NUP210L: variants seen among roughly 807,000 people sequenced by gnomAD.
NUP210L encodes nuclear pore membrane glycoprotein 210-like.
Under a neutral mutation model 208.5 loss-of-function variants are expected in NUP210L, and 74 were observed. That is an observed-to-expected ratio of 0.35 (90% confidence interval 0.29 to 0.43). The LOEUF is 0.43. Ranked by LOEUF, NUP210L falls within the 20% of genes least tolerant of loss-of-function variation. The pLI, the probability that NUP210L is intolerant of heterozygous loss-of-function variation, is 1.00. For missense variants in NUP210L, 1,843 were observed against 2,289.4 expected, an observed-to-expected ratio of 0.81 and a Z score of 3.98; for synonymous variants, 780 against 816.9, an observed-to-expected ratio of 0.95 and a Z score of 0.77.
At chr1:153,994,958 G>A in intron 38 of NUP210L, 118 bp downstream of exon 38, 2 of 596,342 alleles carry the variant, frequency 3.4e-6, no homozygotes, top group Non-Finnish European at 5.7e-6. Flanking sequence ...GTTGCTGTAA[G>A]CCAAGATTGC....
chr1:154,152,660 GTTAAC>G (rs1446791728), intron 2 of NUP210L, 71 bp downstream of exon 2: 8 of 1,313,780 alleles, frequency 6.1e-6, no homozygotes, highest in Non-Finnish European at 8.6e-6. Flanking sequence ...CACCATTTGT[GTTAAC>G]TATCTATACA....
chr1:154,001,954 C>T (rs1481627923), exon 36 of NUP210L: 4 of 1,613,674 alleles, frequency 2.5e-6, no homozygotes, highest in Non-Finnish European at 3.4e-6. Context: ...CCTCTGACTG[C>T]GGTCGAACCT....
intron 12 of NUP210L, among the ~76,000 whole-genome samples, chr1:154,108,375 C>T (rs562840842): frequency 8.6e-4 from 131 of 152,120 alleles, no homozygotes; most frequent in Non-Finnish European, 1.5e-3. Flanking sequence ...CCAGGATGGT[C>T]TCGAACTCCT....
At chr1:154,030,166 A>C (rs781588156) in intron 27 of NUP210L, 112 bp from the exon 28 acceptor site, 150 of 702,238 alleles carry the variant, frequency 2.1e-4, no homozygotes, top group Non-Finnish European at 2.2e-4. Flanking sequence ...ATAAAAAGTC[A>C]GGAAAGGGTG....
chr1:154,049,943 G>T (rs1355983964), intron 25 of NUP210L, among the ~76,000 whole-genome samples: 1 of 152,090 alleles, frequency 6.6e-6, no homozygotes, highest in Non-Finnish European at 1.5e-5. Context: ...CCAGCAATTT[G>T]CCAGAAGTAT....
intron 16 of NUP210L, 24 bp downstream of exon 16, chr1:154,089,397 G>A: frequency 6.3e-7 from 1 of 1,598,478 alleles, no homozygotes; most frequent in Non-Finnish European, 8.6e-7. Context: ...TGCCAACTTA[G>A]TTGGAAACAT....
chr1:154,103,417 A>C (rs1281979590), intron 13 of NUP210L, among the ~76,000 whole-genome samples: 2 of 150,924 alleles, frequency 1.3e-5, no homozygotes, highest in African/African-American at 4.9e-5. Context: ...TCACGCCTGT[A>C]ATCCCAGCAC....
chr1:153,996,106 CA>C (rs1649844846), intron 37 of NUP210L: 1 of 290,472 alleles, frequency 3.4e-6, no homozygotes, highest in Non-Finnish European at 6.8e-6. Context: ...TCCTGGCTAA[CA>C]TGGTGAAACC....
chr1:154,000,866 C>A, exon 37 of NUP210L: 1 of 1,613,904 alleles, frequency 6.2e-7, no homozygotes, highest in Non-Finnish European at 8.5e-7. Context: ...CTGCACCCAA[C>A]TTATCTTTCA....
At chr1:154,080,546 C>T (rs984067149) in intron 16 of NUP210L, among the ~76,000 whole-genome samples, 2 of 150,910 alleles carry the variant, frequency 1.3e-5, no homozygotes, top group African/African-American at 2.4e-5. Flanking sequence ...TTCCCAAGCA[C>T]GGTGGCGTGC....
At chr1:154,036,348 GTGTGTGTGTGTGTA>G (rs1393030598) in intron 27 of NUP210L, among the ~76,000 whole-genome samples, 9 of 132,514 alleles carry the variant, frequency 6.8e-5, no homozygotes, top group African/African-American at 2.4e-4. Context: ...GTGTGTGTGT[GTGTGTGTGTGTGTA>G]TAACTTTTTT....
intron 32 of NUP210L, 99 bp downstream of exon 32, chr1:154,022,027 A>C (rs1651595697): frequency 9.2e-7 from 1 of 1,087,100 alleles, no homozygotes; most frequent in Admixed American, 1.8e-5. Context: ...AAACCACTAT[A>C]CCAGTCCAAG....
chr1:153,997,499 T>A (rs1401817116), intron 37 of NUP210L, among the ~76,000 whole-genome samples: 2 of 150,172 alleles, frequency 1.3e-5, no homozygotes. Context: ...AAACAGCCTT[T>A]CTTTCTCACT....
intron 35 of NUP210L, 146 bp downstream of exon 35, chr1:154,009,826 G>T: frequency 1.7e-6 from 1 of 577,336 alleles, no homozygotes; most frequent in Non-Finnish European, 2.8e-6. Context: ...AGAGTTGAAC[G>T]GGTTGAACAA....
At position 154,129,256 on chromosome 1, in the gene NUP210L, G is replaced by A. The variant is rs545737597; in HGVS notation, c.1078+21C>T. 7.4e-5 allele frequency: 111 copies of A among 1,502,508 alleles called. No individual in the cohort carries two copies. In the Admixed American group the frequency reaches 1.1e-3, roughly 14 times the overall value. 93.1% of individuals were successfully genotyped at this position (1,502,508 alleles called of 1,614,324 possible). A position where few individuals can be genotyped will look rare whatever the true frequency, so the allele number is the denominator to read the frequency against. ...AATCATTTAAGCTATCCACCTTTCT[G>A]AAAAGTATGATCTAAAATACCTAAA... On this transcript the variant is annotated intron_variant, in intron 8 of 39. Coordinates refer to ENST00000368559, the Ensembl canonical transcript of NUP210L.
At chr1:154,126,199 G>A in intron 10 of NUP210L, 124 bp downstream of exon 10, 3 of 782,886 alleles carry the variant, frequency 3.8e-6, no homozygotes, top group Non-Finnish European at 6.2e-6. Flanking sequence ...CGAATTTGCT[G>A]TTTATCTGTT....
intron 23 of NUP210L, among the ~76,000 whole-genome samples, chr1:154,056,145 ATTTTC>A (rs1009045411): frequency 2.0e-5 from 3 of 152,224 alleles, no homozygotes; most frequent in South Asian, 2.1e-4. Context: ...TGCTTTCCAC[ATTTTC>A]TTTTCTTTTC....
At chr1:154,006,207 C>A (rs1650517024) in intron 35 of NUP210L, among the ~76,000 whole-genome samples, 1 of 151,986 alleles carries the variant, frequency 6.6e-6, no homozygotes, top group African/African-American at 2.4e-5. Flanking sequence ...TAGACAGAGT[C>A]TTGCTCTGTC....
At chr1:154,073,103 T>C (rs1654841804) in intron 16 of NUP210L, among the ~76,000 whole-genome samples, 2 of 152,048 alleles carry the variant, frequency 1.3e-5, no homozygotes, top group South Asian at 2.1e-4. Flanking sequence ...CATCAAAAAG[T>C]GGGCTAAGGA....
Sources: gnomAD v4.1 joint callset for allele counts (sites outside exome capture counted in the v4.1 genomes callset) on GRCh38, gnomAD v4.1.1 for gene constraint, MANE v1.5 for transcripts, NCBI Gene and HGNC (gene_info 2026-07-23, HGNC 2026-07-21) for gene names.